SIGLEC9: variants seen among roughly 807,000 people sequenced by gnomAD.
The protein encoded by SIGLEC9 is sialic acid-binding Ig-like lectin 9.
A neutral mutation model predicts 38.3 loss-of-function variants in SIGLEC9; 26 were observed. That is an observed-to-expected ratio of 0.68 (90% CI 0.50 to 0.94). The LOEUF is 0.94. Ranked by LOEUF, SIGLEC9 falls within the 40% of genes least tolerant of loss-of-function variation. The pLI is 0.00. For synonymous variants in SIGLEC9, 236 were observed against 248.0 expected (o/e 0.95, Z 0.45); for missense variants, 556 against 585.7 (o/e 0.95, Z 0.52).
chr19:51,135,879 G>A (rs759893883), intron 6 of SIGLEC9: 18 of 652,282 alleles, frequency 2.8e-5, no homozygotes, highest in African/African-American at 7.2e-5. Context: ...TAATACTTCC[G>A]CTTGTATTAT....
Position 51,125,242 on chromosome 19 carries a change from C to G in SIGLEC9, c.268C>G (p.Arg90Gly), listed in dbSNP as rs746104514. 4 of 1,614,074 alleles carry G rather than the reference C, an allele frequency of 2.5e-6. No homozygotes were observed. In the Admixed American group the frequency reaches 6.7e-5, roughly 27 times the overall value. The change falls in exon 1 of 7, where the codon CGA becomes GGA. Residue 90 changes from arginine (R) to glycine (G), a missense_variant. Coordinates refer to ENST00000250360, the MANE Select transcript of SIGLEC9 (RefSeq NM_014441.3). ...ARAVWEETRD[R>G]FHLLGDPHTK... ...GGCAGTGTGGGAGGAGACTCGGGACCGATTCCACCTCCTTGGGGACCCACA... is the reference window on the plus strand; with the variant it reads ...GGCAGTGTGGGAGGAGACTCGGGACGGATTCCACCTCCTTGGGGACCCACA...
intron 4 of SIGLEC9, among the ~76,000 whole-genome samples, chr19:51,127,515 C>T (rs767563637): frequency 1.2e-4 from 10 of 82,990 alleles, no homozygotes; most frequent in Non-Finnish European, 2.0e-4. Flanking sequence ...TCAGAGGGGA[C>T]AGGATGGGGC....
upstream of SIGLEC9, among the ~76,000 whole-genome samples, chr19:51,121,798 G>T (rs578121548): frequency 2.0e-5 from 3 of 151,890 alleles, no homozygotes; most frequent in Non-Finnish European, 4.4e-5. Context: ...TGTTGGTCAG[G>T]GTGGTCTCGA....
At chr19:51,119,782 G>A in the SIGLEC9 span, among the ~76,000 whole-genome samples, 1 of 149,582 alleles carries the variant, frequency 6.7e-6, no homozygotes, top group South Asian at 2.1e-4. Context: ...CTTCCCATAC[G>A]GAGGGACTCT....
At position 51,126,330 on chromosome 19, in the gene SIGLEC9, C is replaced by A. The variant is rs946204582; in HGVS notation, c.748+202C>A. ...CCCTTGGACTCCCCCACACACCCCC[C>A]CCTCAGCCTCAAACAAGAAGAGGGT... On this transcript the variant is annotated intron_variant, in intron 3 of 6. Transcript: ENST00000250360. Among the ~76,000 whole-genome samples the A allele has an allele frequency of 1.1e-3, 160 of 152,100 alleles. 3 individuals are homozygous for A. Among genetic ancestry groups the A allele is most frequent in the Non-Finnish European group, 3.1e-4 (21 of 67,976 alleles).
downstream of SIGLEC9, among the ~76,000 whole-genome samples, chr19:51,132,317 C>G (rs2092020635): frequency 6.6e-6 from 1 of 152,108 alleles, no homozygotes; most frequent in Non-Finnish European, 1.5e-5. Context: ...GCCAAATAAA[C>G]TGTGGGGGGT....
intron 2 of SIGLEC9, 83 bp from the exon 3 acceptor site, chr19:51,125,997 CT>C (rs1452018707): frequency 6.3e-7 from 1 of 1,581,484 alleles, no homozygotes; most frequent in African/African-American, 1.3e-5. Context: ...TCTGCCTTCC[CT>C]GTTTATGCGG....
rs1568614007 is a variant in SIGLEC9 at position 51,130,125 on chromosome 19, G to A, written c.*46G>A. On this transcript the variant is annotated 3_prime_UTR_variant, in exon 7 of 7. Transcript: ENST00000250360. ...TGATTGAGGGATCACAGCCCCTCCA[G>A]GCAAGGGAGAAGTCAGAGGCTGATT... The A allele has an allele frequency of 6.5e-7, 1 of 1,549,702 alleles. No individual in the cohort carries two copies. Among genetic ancestry groups the A allele is most frequent in the Non-Finnish European group, 8.7e-7 (1 of 1,147,276 alleles).
At chr19:51,128,068 G>A in intron 5 of SIGLEC9, 29 bp downstream of exon 5, 1 of 1,560,460 alleles carries the variant, frequency 6.4e-7, no homozygotes, top group Non-Finnish European at 8.8e-7. Flanking sequence ...GAGGGAGGGA[G>A]GGAGAGCCCT....
At chr19:51,127,492 G>A (rs1346069201) in intron 4 of SIGLEC9, among the ~76,000 whole-genome samples, 196 bp downstream of exon 4, 1 of 149,398 alleles carries the variant, frequency 6.7e-6, no homozygotes, top group African/African-American at 2.5e-5. Flanking sequence ...TGGGGAGAGG[G>A]CAGGAGTGGA....
chr19:51,123,156 G>C (rs2091954093), upstream of SIGLEC9, among the ~76,000 whole-genome samples: 1 of 152,162 alleles, frequency 6.6e-6, no homozygotes, highest in Non-Finnish European at 1.5e-5. Flanking sequence ...GGGCCATCCT[G>C]GGCACTGGCT....
chr19:51,123,534 G>C (rs979971676), upstream of SIGLEC9, among the ~76,000 whole-genome samples: 3 of 152,194 alleles, frequency 2.0e-5, no homozygotes, highest in Admixed American at 6.5e-5. Context: ...CAAACATGGG[G>C]GCCTGAGGTA....
chr19:51,131,590 AAAAT>A (rs1187232159), downstream of SIGLEC9, among the ~76,000 whole-genome samples: 2,672 of 150,620 alleles, frequency 0.018, 89 homozygotes, highest in African/African-American at 0.061. Context: ...CGTCTCAAAA[AAAAT>A]AAATAAATAA....
In SIGLEC9 at chr19:51,129,162, G is replaced by T. The variant is rs1224868817; in HGVS notation, c.1203+652G>T. 2.9e-3 allele frequency among the ~76,000 whole-genome samples: 340 copies of T among 115,756 alleles called. 11 individuals carry two copies. The highest frequency in any genetic ancestry group is 0.014 in the African/African-American group (269 of 19,580). The allele number at this position is 115,756 out of a possible 152,430, so 75.9% of individuals were successfully genotyped here. Reference sequence around the variant, plus strand: ...ACTTTTTTTGTTTTTTTTTTTTTTTGTTGTTGTTGTTTTTGAGACAGAGTC... The same window carrying T: ...ACTTTTTTTGTTTTTTTTTTTTTTTTTTGTTGTTGTTTTTGAGACAGAGTC... On this transcript the variant is annotated intron_variant, in intron 6 of 6. Transcript: ENST00000250360.
At chr19:51,133,452 G>C (rs941537817), downstream of SIGLEC9, among the ~76,000 whole-genome samples, 2 of 151,734 alleles carry the variant, frequency 1.3e-5, no homozygotes, top group Non-Finnish European at 2.9e-5. Context: ...TGGGTGTGGT[G>C]GCAGGCAACT....
At chr19:51,131,909 C>A (rs2092017600), downstream of SIGLEC9, among the ~76,000 whole-genome samples, 1 of 140,194 alleles carries the variant, frequency 7.1e-6, no homozygotes, top group South Asian at 2.1e-4. Flanking sequence ...GAGCAAGAGT[C>A]TGTGTCAAAA....
rs2091983422 is a variant in SIGLEC9, at chr19:51,127,107, G to A, written c.826G>A (p.Ala276Thr). 2 of 1,614,240 alleles carry A rather than the reference G, an allele frequency of 1.2e-6. No individual in the cohort carries two copies. The highest frequency in any genetic ancestry group is 2.2e-5 in the East Asian group (1 of 44,888). ...TCTGCGCCTGGTCTGTGCAGTTGAT[G>A]CAGTTGACAGCAATCCCCCTGCCAG... ...QSLRLVCAVD[A>T]VDSNPPARLS... is the part of the protein sequence containing the mutation. The change falls in exon 4 of 7, where the codon GCA becomes ACA. Residue 276 changes from alanine (A) to threonine (T), a missense_variant. Coordinates refer to ENST00000250360, the MANE Select transcript of SIGLEC9 (RefSeq NM_014441.3).
chr19:51,126,410 T>C (rs895055915), intron 3 of SIGLEC9, among the ~76,000 whole-genome samples: 4 of 151,998 alleles, frequency 2.6e-5, no homozygotes, highest in Non-Finnish European at 2.9e-5. Context: ...ATCTCCTGAA[T>C]ACATCTCCAC....
upstream of SIGLEC9, among the ~76,000 whole-genome samples, chr19:51,124,643 C>T (rs1172549209): frequency 6.6e-6 from 1 of 152,118 alleles, no homozygotes; most frequent in Non-Finnish European, 1.5e-5. Flanking sequence ...CATTTTCACC[C>T]TGCAGAAAAT....
Sources: allele counts gnomAD v4.1 joint callset (sites outside exome capture counted in the v4.1 genomes callset), GRCh38; gene constraint gnomAD v4.1.1; transcripts MANE v1.5; gene names NCBI Gene and HGNC (gene_info 2026-07-23, HGNC 2026-07-21).